The following CCSER1 variants were observed in gnomAD, a reference collection of about 807,000 sequenced individuals.
CCSER1 encodes the protein serine-rich coiled-coil domain-containing protein 1.
CCSER1 carries 41 observed loss-of-function variants against 82.0 expected under a neutral mutation model. The observed-to-expected ratio is 0.50, with a 90% CI of 0.39 to 0.65. The LOEUF (loss-of-function observed/expected upper bound fraction) is 0.65. CCSER1 is among the 30% of genes least tolerant of loss of function. CCSER1 has a pLI of 0.00. For synonymous variants in CCSER1, 414 were observed against 383.9 expected (o/e 1.08, Z -0.92); for missense variants, 1,119 against 1,064.2 (o/e 1.05, Z -0.72).
intron 10 of CCSER1, among the ~76,000 whole-genome samples, chr4:91,396,046 G>A (rs1751959460): frequency 6.6e-6 from 1 of 152,046 alleles, no homozygotes; most frequent in Non-Finnish European, 1.5e-5. Context: ...TTTCTAGATA[G>A]CAATTCAGCC....
intron 10 of CCSER1, among the ~76,000 whole-genome samples, chr4:91,307,991 T>C (rs1453599366): frequency 6.6e-6 from 1 of 152,000 alleles, no homozygotes; most frequent in African/African-American, 2.4e-5. Context: ...AAGGATATTT[T>C]ATGCATCTGG....
intron 10 of CCSER1, among the ~76,000 whole-genome samples, chr4:91,536,852 G>A (rs186163270): frequency 6.7e-4 from 102 of 151,850 alleles, no homozygotes; most frequent in African/African-American, 2.3e-3. Context: ...TTTTCATCCT[G>A]TCTTAAAAAT....
At chr4:91,455,396 A>C (rs1756103673) in intron 10 of CCSER1, among the ~76,000 whole-genome samples, 1 of 152,082 alleles carries the variant, frequency 6.6e-6, no homozygotes. Context: ...TGATTAAATC[A>C]TGAGGGCCCT....
chr4:90,625,575 T>C (rs1336325869), intron 5 of CCSER1, among the ~76,000 whole-genome samples: 1 of 152,218 alleles, frequency 6.6e-6, no homozygotes, highest in East Asian at 1.9e-4. Context: ...TAAATTGATT[T>C]GTTTCTCATA....
intron 5 of CCSER1, among the ~76,000 whole-genome samples, chr4:90,588,986 C>G (rs981336915): frequency 1.3e-5 from 2 of 152,138 alleles, no homozygotes; most frequent in Non-Finnish European, 2.9e-5. Context: ...GACTCTACAT[C>G]ATAGTATTCC....
At position 91,601,680 on chromosome 4, in the gene CCSER1, G is replaced by A. The variant is rs1271441771; in HGVS notation, c.*2623G>A. 1 of 152,016 alleles carries A rather than the reference G, an allele frequency of 6.6e-6. No individual in the cohort carries two copies. Among genetic ancestry groups the A allele is most frequent in the Admixed American group, 6.6e-5 (1 of 15,220 alleles). The allele number at this position is 152,016 out of a possible 1,614,324, so 9.4% of individuals were successfully genotyped here. ...AGACATGACACCAGGGGGAAAAAGT[G>A]CTTGTTTTTCTGATGGAAGCAGTGG... is the stretch of plus-strand genomic sequence containing the variant. On this transcript the variant is annotated 3_prime_UTR_variant, in exon 11 of 11. Transcript: ENST00000509176.
intron 7 of CCSER1, among the ~76,000 whole-genome samples, chr4:90,794,974 C>A (rs1755789093): frequency 6.6e-6 from 1 of 151,968 alleles, no homozygotes; most frequent in Non-Finnish European, 1.5e-5. Context: ...CTCAGCTTGA[C>A]TTTTATTGGT....
intron 10 of CCSER1, among the ~76,000 whole-genome samples, chr4:91,174,707 T>TA (rs569888084): frequency 5.4e-4 from 83 of 152,340 alleles, no homozygotes; most frequent in Middle Eastern, 3.4e-3. Flanking sequence ...ATACCATTGA[T>TA]AAAAATCAGA....
intron 8 of CCSER1, among the ~76,000 whole-genome samples, chr4:90,914,245 T>A (rs1726918086): frequency 6.6e-6 from 1 of 152,124 alleles, no homozygotes; most frequent in Non-Finnish European, 1.5e-5. Context: ...TAGTTGGAGG[T>A]AAAGCACTCC....
At chr4:91,483,264 CA>C (rs1578582444) in intron 10 of CCSER1, among the ~76,000 whole-genome samples, 2 of 152,014 alleles carry the variant, frequency 1.3e-5, no homozygotes, top group East Asian at 3.9e-4. Flanking sequence ...GAAAAACAGC[CA>C]AAAGGGTAAG....
chr4:90,528,422 G>T (rs1387807941), intron 5 of CCSER1, among the ~76,000 whole-genome samples: 1 of 152,094 alleles, frequency 6.6e-6, no homozygotes, highest in Admixed American at 6.6e-5. Flanking sequence ...AAATAAATAT[G>T]ATCCAGAAAC....
intron 6 of CCSER1, among the ~76,000 whole-genome samples, chr4:90,629,441 A>G (rs887050055): frequency 6.6e-6 from 1 of 152,204 alleles, no homozygotes; most frequent in Non-Finnish European, 1.5e-5. Flanking sequence ...ACACGGCGGC[A>G]GGCAAGAGAG....
chr4:90,693,083 G>A (rs550233757), intron 6 of CCSER1, among the ~76,000 whole-genome samples: 312 of 152,036 alleles, frequency 2.1e-3, no homozygotes, highest in Admixed American at 7.1e-3. Context: ...GAGGTTAAGG[G>A]TAAGGATGGA....
At chr4:90,788,307 G>T (rs949679269) in intron 7 of CCSER1, among the ~76,000 whole-genome samples, 1 of 151,890 alleles carries the variant, frequency 6.6e-6, no homozygotes, top group Admixed American at 6.6e-5. Context: ...GAAAATTATG[G>T]GTGTGTCTAT....
chr4:91,168,150 G>T (rs1560486248), intron 10 of CCSER1, among the ~76,000 whole-genome samples: 1 of 150,004 alleles, frequency 6.7e-6, no homozygotes, highest in African/African-American at 2.5e-5. Context: ...CCCCATCTGG[G>T]AATTGAGGAG....
chr4:91,440,142 C>G (rs1411011821), intron 10 of CCSER1, among the ~76,000 whole-genome samples: 1 of 152,044 alleles, frequency 6.6e-6, no homozygotes, highest in Admixed American at 6.6e-5. Flanking sequence ...AACTCTCCAC[C>G]CCAAATCAAC....
chr4:90,754,129 A>C (rs1285718070), intron 7 of CCSER1, among the ~76,000 whole-genome samples: 1 of 152,128 alleles, frequency 6.6e-6, no homozygotes, highest in Admixed American at 6.6e-5. Context: ...ACCCCTTGTG[A>C]CCTGACATTA....
intron 5 of CCSER1, among the ~76,000 whole-genome samples, chr4:90,546,250 C>A (rs1318662364): frequency 6.6e-6 from 1 of 152,076 alleles, no homozygotes; most frequent in Admixed American, 6.6e-5. Flanking sequence ...CTAAATCTAC[C>A]TGGGAAGAGT....
chr4:91,243,121 G>A (rs1739497875), intron 10 of CCSER1, among the ~76,000 whole-genome samples: 1 of 152,128 alleles, frequency 6.6e-6, no homozygotes, highest in African/African-American at 2.4e-5. Context: ...GTGACCAGAG[G>A]ACTTTACATT....
Sources: allele counts gnomAD v4.1 joint callset (sites outside exome capture counted in the v4.1 genomes callset), GRCh38; gene constraint gnomAD v4.1.1; transcripts MANE v1.5; gene names NCBI Gene and HGNC (gene_info 2026-07-23, HGNC 2026-07-21).